The following FKBP5 variants were observed in gnomAD, a reference collection of about 807,000 sequenced individuals.
FKBP5 encodes peptidyl-prolyl cis-trans isomerase FKBP5.
Under a neutral mutation model 50.5 loss-of-function variants are expected in FKBP5, and 23 were observed. The ratio of observed to expected loss-of-function variants is 0.46; its 90% CI spans 0.33 to 0.65. The LOEUF (loss-of-function observed/expected upper bound fraction) is 0.65. FKBP5 is among the 30% of genes least tolerant of loss of function. FKBP5 has a pLI of 0.02. For synonymous variants in FKBP5, 176 were observed against 190.6 expected, an observed-to-expected ratio of 0.92 and a Z score of 0.63; for missense variants, 411 against 553.1, an observed-to-expected ratio of 0.74 and a Z score of 2.58.
chr6:35,664,441 T>C (rs1419830915), intron 1 of FKBP5, among the ~76,000 whole-genome samples: 8 of 152,180 alleles, frequency 5.3e-5, no homozygotes, highest in Non-Finnish European at 1.2e-4. Context: ...AAAATAATCA[T>C]CAAATTTTCT....
chr6:35,584,145 CT>C, intron 8 of FKBP5: 4 of 985,442 alleles, frequency 4.1e-6, no homozygotes, highest in Non-Finnish European at 4.8e-6. Context: ...AAAATCGTGT[CT>C]GTTTAACTCG....
chr6:35,584,573 AG>A lies in FKBP5; in HGVS notation c.840+2460del, dbSNP rs1008898583. 13 of 985,378 alleles carry A rather than the reference AG, an allele frequency of 1.3e-5. No homozygotes were observed. In the Admixed American group the frequency reaches 8.0e-4, roughly 61 times the overall value. 61.0% of individuals were successfully genotyped at this position (985,378 alleles called of 1,614,324 possible). ...CCTGAGTTGGGAAGGGAATATGTAC[AG>A]GAAACTATCTACTAACCATTTTGAA... On this transcript the variant is annotated intron_variant, in intron 8 of 10. Coordinates refer to ENST00000357266, the MANE Select transcript of FKBP5 (RefSeq NM_004117.4).
At chr6:35,598,962 G>A (rs1490745806) in intron 5 of FKBP5, among the ~76,000 whole-genome samples, 2 of 151,704 alleles carry the variant, frequency 1.3e-5, no homozygotes, top group Non-Finnish European at 2.9e-5. Context: ...GCAACAGAGG[G>A]AGACTCCATC....
intron 9 of FKBP5, among the ~76,000 whole-genome samples, chr6:35,578,953 A>T (rs1267452984): frequency 2.0e-5 from 3 of 148,944 alleles, no homozygotes; most frequent in Non-Finnish European, 4.5e-5. Context: ...TCTCTACAAA[A>T]GTAAATTTAA....
chr6:35,634,717 CT>C (rs1554134387), intron 3 of FKBP5, among the ~76,000 whole-genome samples: 1 of 20,226 alleles, frequency 4.9e-5, no homozygotes. Flanking sequence ...GGGAATACTT[CT>C]TTTTTCCCTA....
chr6:35,584,150 T>A, intron 8 of FKBP5: 1 of 985,462 alleles, frequency 1.0e-6, no homozygotes, highest in African/African-American at 1.7e-5. Flanking sequence ...CGTGTCTGTT[T>A]AACTCGCTTG....
At chr6:35,628,046 T>C (rs1275736270) in intron 3 of FKBP5, among the ~76,000 whole-genome samples, 1 of 151,826 alleles carries the variant, frequency 6.6e-6, no homozygotes, top group Non-Finnish European at 1.5e-5. Context: ...GTGCTGGCAT[T>C]ACAGGTGTGA....
chr6:35,635,075 T>C (rs1764271004), intron 3 of FKBP5, among the ~76,000 whole-genome samples: 1 of 149,208 alleles, frequency 6.7e-6, no homozygotes, highest in Non-Finnish European at 1.5e-5. Context: ...GGCTCATGCC[T>C]GTAATCCCAG....
At chr6:35,576,635 T>C (rs1019690423) in intron 10 of FKBP5, among the ~76,000 whole-genome samples, 13 of 134,816 alleles carry the variant, frequency 9.6e-5, no homozygotes, top group Non-Finnish European at 1.9e-4. Context: ...CACGACTGCA[T>C]TACAGTCTGG....
chr6:35,638,058 C>G (rs924319041), intron 2 of FKBP5, among the ~76,000 whole-genome samples: 1 of 152,060 alleles, frequency 6.6e-6, no homozygotes, highest in African/African-American at 2.4e-5. Flanking sequence ...AACTTGTTTT[C>G]TAGTAAAGTA....
At chr6:35,615,334 C>T (rs1440136781) in intron 5 of FKBP5, among the ~76,000 whole-genome samples, 1 of 152,030 alleles carries the variant, frequency 6.6e-6, no homozygotes, top group Non-Finnish European at 1.5e-5. Context: ...TTTCTAAATG[C>T]CTTTCTCCAA....
At chr6:35,656,075 T>C (rs1252877250) in intron 1 of FKBP5, among the ~76,000 whole-genome samples, 1 of 152,226 alleles carries the variant, frequency 6.6e-6, no homozygotes, top group East Asian at 1.9e-4. Flanking sequence ...TATGTAATAC[T>C]GTATCCTCTT....
At chr6:35,636,219 CAAGCCCACAGTGGCAAAT>C (rs931440957) in intron 3 of FKBP5, among the ~76,000 whole-genome samples, 4 of 152,190 alleles carry the variant, frequency 2.6e-5, no homozygotes, top group Admixed American at 6.5e-5. Flanking sequence ...CGGAAGCTGT[CAAGCCCACAGTGGCAAAT>C]AAGCCCACAG....
At chr6:35,702,698 C>T (rs533213936) in intron 2 of FKBP5, among the ~76,000 whole-genome samples, 21 of 152,036 alleles carry the variant, frequency 1.4e-4, no homozygotes, top group East Asian at 5.9e-4. Flanking sequence ...GTGATCCACC[C>T]GCCTCGGCCT....
intron 5 of FKBP5, among the ~76,000 whole-genome samples, chr6:35,601,764 G>A (rs1336892785): frequency 1.3e-5 from 2 of 152,038 alleles, no homozygotes; most frequent in Non-Finnish European, 2.9e-5. Context: ...CATGATTTAC[G>A]GGAAGTAAAT....
intron 5 of FKBP5, among the ~76,000 whole-genome samples, chr6:35,616,314 C>CA (rs34779549): frequency 0.012 from 676 of 57,374 alleles, 12 homozygotes; most frequent in East Asian, 0.018. Flanking sequence ...GACTCCATCT[C>CA]AAAAAAAAAA....
At chr6:35,625,756 T>C (rs190493428) in intron 3 of FKBP5, among the ~76,000 whole-genome samples, 75 of 148,318 alleles carry the variant, frequency 5.1e-4, no homozygotes, top group African/African-American at 1.6e-3. Flanking sequence ...ACACCAAGAA[T>C]ACATAATGTC....
At chr6:35,694,068 G>C (rs894063483) in intron 2 of FKBP5, among the ~76,000 whole-genome samples, 4 of 151,396 alleles carry the variant, frequency 2.6e-5, no homozygotes, top group Non-Finnish European at 5.9e-5. Context: ...TGAACTCCAG[G>C]GCCCAAAGGA....
At chr6:35,652,753 T>C (rs531009270) in intron 1 of FKBP5, among the ~76,000 whole-genome samples, 111 of 152,270 alleles carry the variant, frequency 7.3e-4, no homozygotes, top group African/African-American at 2.6e-3. Context: ...TGATATTCTA[T>C]TACCCTGTTA....
Sources: gnomAD v4.1 joint callset for allele counts (sites outside exome capture counted in the v4.1 genomes callset) on GRCh38, gnomAD v4.1.1 for gene constraint, MANE v1.5 for transcripts, NCBI Gene and HGNC (gene_info 2026-07-23, HGNC 2026-07-21) for gene names.